The following KIRREL1 variants were observed in gnomAD, a reference collection of about 807,000 sequenced individuals.
The protein encoded by KIRREL1 is kin of IRRE-like protein 1.
A neutral mutation model predicts 83.3 loss-of-function variants in KIRREL1; 25 were observed. That is an observed-to-expected ratio of 0.30 (90% CI 0.22 to 0.42). KIRREL1 has a LOEUF of 0.42. Ranked by LOEUF, KIRREL1 falls within the 10% of genes least tolerant of loss-of-function variation. KIRREL1 has a pLI of 1.00. For missense variants in KIRREL1, 812 were observed against 1,032.3 expected, an observed-to-expected ratio of 0.79 and a Z score of 2.92; for synonymous variants, 388 against 410.4, an observed-to-expected ratio of 0.95 and a Z score of 0.66.
rs1194918086 is a variant in KIRREL1 at position 157,993,709 on chromosome 1, C to T, written c.33C>T (p.Leu11=). Residue 11 remains leucine (L), a synonymous_variant, in exon 1 of 15, where the codon CTC becomes CTT. Coordinates refer to ENST00000359209, the MANE Select transcript of KIRREL1 (RefSeq NM_018240.7). ...GCCTCCTCGTCTGGATCCTCACTCT[C>T]TCCGATACTTTCTCCCAAGGTAAGG... MLSLLVWILT[L]SDTFSQGTQT... The T allele has an allele frequency of 6.7e-7, 1 of 1,495,098 alleles. No homozygotes were observed. The highest frequency in any genetic ancestry group is 1.3e-5 in the South Asian group (1 of 78,176). 92.6% of individuals were successfully genotyped at this position (1,495,098 alleles called of 1,614,324 possible). A position where few individuals can be genotyped will look rare whatever the true frequency, so the allele number is the denominator to read the frequency against.
chr1:158,013,977 A>G (rs2101641316), intron 1 of KIRREL1, among the ~76,000 whole-genome samples: 1 of 152,244 alleles, frequency 6.6e-6, no homozygotes, highest in South Asian at 2.1e-4. Flanking sequence ...CTTGTTTTTC[A>G]ACCTCTGCCC....
intron 1 of KIRREL1, among the ~76,000 whole-genome samples, chr1:158,019,072 A>G (rs1659924902): frequency 6.6e-6 from 1 of 152,214 alleles, no homozygotes; most frequent in African/African-American, 2.4e-5. Flanking sequence ...TCTGCCCTCT[A>G]GAAATTCCCA....
At chr1:158,050,855 T>C (rs1660892167) in intron 1 of KIRREL1, among the ~76,000 whole-genome samples, 1 of 152,186 alleles carries the variant, frequency 6.6e-6, no homozygotes, top group African/African-American at 2.4e-5. Context: ...TCAAATTCCA[T>C]TATTCTGAAA....
chr1:158,062,844 T>C (rs1330353791), intron 1 of KIRREL1, among the ~76,000 whole-genome samples: 2 of 152,246 alleles, frequency 1.3e-5, no homozygotes, highest in Non-Finnish European at 2.9e-5. Context: ...GCTTCCACTT[T>C]CGTCTTTCTG....
intron 5 of KIRREL1, among the ~76,000 whole-genome samples, chr1:158,087,261 T>C (rs1367117837): frequency 6.6e-6 from 1 of 152,136 alleles, no homozygotes; most frequent in Non-Finnish European, 1.5e-5. Context: ...AAATTCTAAA[T>C]TCTGAAATGC....
intron 1 of KIRREL1, among the ~76,000 whole-genome samples, chr1:158,045,898 G>GGGAAGTATCACTTGGGA (rs1660767664): frequency 6.6e-6 from 1 of 152,170 alleles, no homozygotes; most frequent in Non-Finnish European, 1.5e-5. Flanking sequence ...GAAGTTCCAC[G>GGGAAGTATCACTTGGGA]AGTTTAAAAC....
chr1:158,010,868 A>G (rs1001119285), intron 1 of KIRREL1, among the ~76,000 whole-genome samples: 6 of 152,196 alleles, frequency 3.9e-5, no homozygotes, highest in African/African-American at 1.4e-4. Flanking sequence ...CTCTCCCAAG[A>G]GGAGAAATTA....
In KIRREL1 at chr1:158,017,537, A is replaced by G. The variant is rs531021867; in HGVS notation, c.52+23809A>G. Among the ~76,000 whole-genome samples the G allele has an allele frequency of 7.2e-5, 11 of 152,108 alleles. No homozygotes were observed. The East Asian group carries it at 2.1e-3, about 30-fold the overall frequency. On this transcript the variant is annotated intron_variant, in intron 1 of 14. Coordinates refer to ENST00000359209, the MANE Select transcript of KIRREL1 (RefSeq NM_018240.7). ...TGAAATCTTGTCTCTATTAAAAATA[A>G]TACAAATTAGCTAGGCATGGTGGTG...
intron 2 of KIRREL1, among the ~76,000 whole-genome samples, chr1:158,077,244 A>G (rs1168254146): frequency 1.3e-5 from 2 of 152,116 alleles, no homozygotes; most frequent in African/African-American, 4.8e-5. Flanking sequence ...AATCCATATA[A>G]GGGAAAGAGA....
chr1:158,068,747 G>C (rs538225839), intron 1 of KIRREL1, among the ~76,000 whole-genome samples: 1 of 152,244 alleles, frequency 6.6e-6, no homozygotes, highest in East Asian at 1.9e-4. Flanking sequence ...AACCCAATGT[G>C]AGGGGACCTC....
At chr1:157,996,730 G>A (rs951526853) in intron 1 of KIRREL1, among the ~76,000 whole-genome samples, 4 of 152,214 alleles carry the variant, frequency 2.6e-5, no homozygotes, top group African/African-American at 9.6e-5. Context: ...AGGGCGCTGA[G>A]GTTGGGGAAG....
intron 1 of KIRREL1, among the ~76,000 whole-genome samples, chr1:158,020,985 G>A (rs4971178): frequency 0.046 from 7,048 of 152,202 alleles, 299 homozygotes; most frequent in East Asian, 0.2. Flanking sequence ...AAGAAGCAGT[G>A]GCCCATATCT....
intron 1 of KIRREL1, among the ~76,000 whole-genome samples, chr1:158,037,639 T>C (rs1472439479): frequency 6.6e-6 from 1 of 152,132 alleles, no homozygotes; most frequent in Non-Finnish European, 1.5e-5. Context: ...TTAATTATTA[T>C]TAGCTATCAA....
intron 1 of KIRREL1, among the ~76,000 whole-genome samples, chr1:158,043,334 G>C (rs1660691352): frequency 6.6e-6 from 1 of 152,176 alleles, no homozygotes; most frequent in Non-Finnish European, 1.5e-5. Flanking sequence ...CTTATGGAAA[G>C]AGTGGCGTAA....
At chr1:158,005,887 GGA>G (rs148758369) in intron 1 of KIRREL1, among the ~76,000 whole-genome samples, 2,692 of 152,264 alleles carry the variant, frequency 0.018, 73 homozygotes, top group African/African-American at 0.061. Context: ...ACAGGCCAGA[GGA>G]GAGAGACTGC....
chr1:158,023,580 G>T (rs1435591676), intron 1 of KIRREL1, among the ~76,000 whole-genome samples: 1 of 152,120 alleles, frequency 6.6e-6, no homozygotes, highest in East Asian at 1.9e-4. Flanking sequence ...CCGTTTAAAA[G>T]GCAGCTGGGT....
chr1:158,089,423 T>C, intron 8 of KIRREL1, 79 bp from the exon 9 acceptor site: 1 of 1,582,756 alleles, frequency 6.3e-7, no homozygotes, highest in Non-Finnish European at 8.5e-7. Context: ...TTCTTTCCGA[T>C]GCCTCCGATG....
chr1:158,067,993 A>G (rs1001357558), intron 1 of KIRREL1, among the ~76,000 whole-genome samples: 2 of 152,140 alleles, frequency 1.3e-5, no homozygotes, highest in Non-Finnish European at 2.9e-5. Context: ...AGCCTTAGAG[A>G]CGGACAGAAG....
At chr1:158,070,639 TAAGAG>T (rs888027996) in intron 1 of KIRREL1, among the ~76,000 whole-genome samples, 2 of 152,112 alleles carry the variant, frequency 1.3e-5, no homozygotes, top group Non-Finnish European at 2.9e-5. Context: ...AACAATGCAG[TAAGAG>T]AAGAGGGAGG....
Sources: gnomAD v4.1 joint callset for allele counts (sites outside exome capture counted in the v4.1 genomes callset) on GRCh38, gnomAD v4.1.1 for gene constraint, MANE v1.5 for transcripts, NCBI Gene and HGNC (gene_info 2026-07-23, HGNC 2026-07-21) for gene names.